Variants in TBXAS1 observed in about 807,000 individuals in gnomAD.
TBXAS1 encodes thromboxane A synthase 1.
TBXAS1 carries 48 observed loss-of-function variants against 60.7 expected under a neutral mutation model. The ratio of observed to expected loss-of-function variants is 0.79; its 90% CI spans 0.63 to 1.01. TBXAS1 has a LOEUF of 1.01. Ranked by LOEUF, TBXAS1 falls within the 50% of genes least tolerant of loss-of-function variation. The pLI is 0.00. For synonymous variants in TBXAS1, 287 were observed against 269.7 expected (o/e 1.06, Z -0.63); for missense variants, 685 against 686.3 (o/e 1.00, Z 0.02).
At chr7:139,832,178 G>A (rs546185672) in intron 1 of TBXAS1, among the ~76,000 whole-genome samples, 73 of 152,252 alleles carry the variant, frequency 4.8e-4, no homozygotes, top group African/African-American at 1.3e-3. Flanking sequence ...CCCCAACTGC[G>A]GAAGTGGGAA....
At chr7:139,984,950 G>GA (rs763284213) in intron 9 of TBXAS1, among the ~76,000 whole-genome samples, 10 of 142,654 alleles carry the variant, frequency 7.0e-5, no homozygotes, top group Non-Finnish European at 1.1e-4. Context: ...GAAAAGAAAA[G>GA]AAAGAAAGAA....
chr7:139,906,893 A>T (rs2117028969), intron 3 of TBXAS1, among the ~76,000 whole-genome samples: 1 of 152,302 alleles, frequency 6.6e-6, no homozygotes, highest in South Asian at 2.1e-4. Flanking sequence ...TTGATCTGGA[A>T]TCCTGCAACC....
chr7:139,952,862 T>C (rs1809524699), intron 5 of TBXAS1, among the ~76,000 whole-genome samples: 1 of 152,218 alleles, frequency 6.6e-6, no homozygotes, highest in African/African-American at 2.4e-5. Flanking sequence ...CTATAAATAA[T>C]TTCTGTGTTA....
chr7:139,986,755 A>ATATATATATATG (rs1316978387), intron 9 of TBXAS1, among the ~76,000 whole-genome samples: 1 of 79,752 alleles, frequency 1.3e-5, no homozygotes, highest in Non-Finnish European at 2.3e-5. Flanking sequence ...ATATATATAT[A>ATATATATATATG]TGTGTGTGTG....
At chr7:139,824,615 G>A (rs1798386700), upstream of TBXAS1, among the ~76,000 whole-genome samples, 1 of 152,162 alleles carries the variant, frequency 6.6e-6, no homozygotes, top group Non-Finnish European at 1.5e-5. Context: ...TATACAATAA[G>A]TGAGAAAGAC....
intron 8 of TBXAS1, among the ~76,000 whole-genome samples, chr7:139,958,932 CA>C (rs1261628069): frequency 1.3e-5 from 2 of 151,986 alleles, no homozygotes; most frequent in Non-Finnish European, 2.9e-5. Flanking sequence ...AGGCTGGAGC[CA>C]GGGGGAGAAG....
intron 9 of TBXAS1, among the ~76,000 whole-genome samples, chr7:140,006,695 T>G (rs573834637): frequency 3.0e-4 from 46 of 152,352 alleles, no homozygotes; most frequent in African/African-American, 1.0e-3. Flanking sequence ...ACAGGCTCTT[T>G]GAGCCTCAGT....
At chr7:139,888,123 A>G (rs926160824) in intron 3 of TBXAS1, among the ~76,000 whole-genome samples, 1 of 152,172 alleles carries the variant, frequency 6.6e-6, no homozygotes, top group African/African-American at 2.4e-5. Flanking sequence ...AACCGACCCC[A>G]TTATCAACAA....
At chr7:139,988,504 C>A (rs1301881071) in intron 9 of TBXAS1, among the ~76,000 whole-genome samples, 2 of 152,230 alleles carry the variant, frequency 1.3e-5, no homozygotes, top group African/African-American at 4.8e-5. Context: ...GACCAGCCCC[C>A]AGCTCCTTGC....
intron 7 of TBXAS1, among the ~76,000 whole-genome samples, chr7:139,955,860 G>T (rs1012329152): frequency 6.6e-6 from 1 of 152,226 alleles, no homozygotes; most frequent in Admixed American, 6.5e-5. Context: ...CGGTTGGGAC[G>T]CACCGTGTTA....
At chr7:139,826,179 A>G (rs10253277), upstream of TBXAS1, among the ~76,000 whole-genome samples, 103,486 of 152,052 alleles carry the variant, frequency 0.68, 37,038 homozygotes, top group East Asian at 0.92. Context: ...GTGGCTGAAC[A>G]TGGATTATTT....
chr7:139,966,611 T>A (rs756393354), intron 9 of TBXAS1, among the ~76,000 whole-genome samples: 35 of 152,256 alleles, frequency 2.3e-4, no homozygotes, highest in Non-Finnish European at 5.9e-5. Context: ...TGAAACCATT[T>A]GGTGTTTTTT....
At position 139,882,982 on chromosome 7, in the gene TBXAS1, G is replaced by A. The variant is rs575863208; in HGVS notation, c.236+7345G>A. On this transcript the variant is annotated intron_variant, in intron 3 of 12. Coordinates refer to ENST00000448866, the MANE Select transcript of TBXAS1 (RefSeq NM_001061.7). ...TTAAATGATTGGAATTCACTAAACTGCATTATTGCATTTTAGGGGGGCCAT... is the reference window on the plus strand; with the variant it reads ...TTAAATGATTGGAATTCACTAAACTACATTATTGCATTTTAGGGGGGCCAT... Among the ~76,000 whole-genome samples, 7 of 152,234 alleles carry A rather than the reference G, an allele frequency of 4.6e-5. No homozygotes were observed. In the South Asian group the frequency reaches 1.5e-3, roughly 32 times the overall value.
At position 139,897,070 on chromosome 7, in the gene TBXAS1, A is replaced by G. The variant is rs1430692851; in HGVS notation, c.237-14155A>G. ...GAATACAGCACACTGCGTTGACATC[A>G]TGGAATTCCCACTGCATGCTTAACA... is the stretch of plus-strand genomic sequence containing the variant. On this transcript the variant is annotated intron_variant, in intron 3 of 12. Coordinates refer to ENST00000448866, the MANE Select transcript of TBXAS1 (RefSeq NM_001061.7). Among the ~76,000 whole-genome samples the G allele has an allele frequency of 1.3e-5, 2 of 152,186 alleles. 1 individual carries two copies. The highest frequency in any genetic ancestry group is 4.8e-5 in the African/African-American group (2 of 41,442).
chr7:139,900,005 T>C (rs572292196), intron 3 of TBXAS1, among the ~76,000 whole-genome samples: 1 of 152,310 alleles, frequency 6.6e-6, no homozygotes, highest in African/African-American at 2.4e-5. Flanking sequence ...CCATTTTCTA[T>C]GAGAATTACA....
rs752623907 is a variant in TBXAS1 at position 139,936,197 on chromosome 7, G to C, written c.340G>C (p.Gly114Arg). 1 of 1,614,080 alleles carries C rather than the reference G, an allele frequency of 6.2e-7. No homozygotes were observed. The highest frequency in any genetic ancestry group is 1.3e-5 in the African/African-American group (1 of 74,924). The change falls in exon 5 of 13, where the codon GGT becomes CGT. Residue 114 changes from glycine (G) to arginine (R), a missense_variant. Coordinates refer to ENST00000448866, the MANE Select transcript of TBXAS1 (RefSeq NM_001061.7). ...GCTTGTTACTTCCCAACAGGCGTCG[G>C]GTTTGGAGTTCAAGTCGGTAGCCGA... is the stretch of plus-strand genomic sequence containing the variant. Reference protein sequence around the residue: ...FSNFTNRMASGLEFKSVADSV... With the variant: ...FSNFTNRMASRLEFKSVADSV...
intron 1 of TBXAS1, among the ~76,000 whole-genome samples, chr7:139,853,560 A>T (rs1347646554): frequency 6.6e-6 from 1 of 152,078 alleles, no homozygotes; most frequent in Non-Finnish European, 1.5e-5. Flanking sequence ...TGTGGGAAGC[A>T]CTCAGCCGGG....
upstream of TBXAS1, among the ~76,000 whole-genome samples, chr7:139,825,995 T>C (rs1464727023): frequency 1.3e-5 from 2 of 152,214 alleles, no homozygotes; most frequent in Non-Finnish European, 2.9e-5. Flanking sequence ...AATTCTCATG[T>C]TTATTTCACC....
intron 5 of TBXAS1, among the ~76,000 whole-genome samples, chr7:139,945,423 T>C (rs989863177): frequency 6.6e-6 from 1 of 152,216 alleles, no homozygotes; most frequent in African/African-American, 2.4e-5. Context: ...AGAGCCAGTT[T>C]TCAGCAAACC....
Sources: allele counts gnomAD v4.1 joint callset (sites outside exome capture counted in the v4.1 genomes callset), GRCh38; gene constraint gnomAD v4.1.1; transcripts MANE v1.5; gene names NCBI Gene and HGNC (gene_info 2026-07-23, HGNC 2026-07-21).